Variants in C10orf90 observed in about 807,000 individuals in gnomAD.
C10orf90 encodes the protein chromosome 10 open reading frame 90.
In C10orf90, 56 loss-of-function variants were observed where a neutral mutation model predicts 62.5. The ratio of observed to expected loss-of-function variants is 0.90; its 90% CI spans 0.72 to 1.12. C10orf90 has a LOEUF of 1.12. Among genes scored for constraint, C10orf90 ranks in the 50% most tolerant of loss-of-function variants. C10orf90 has a pLI of 0.00. For missense variants in C10orf90, 970 were observed against 880.4 expected, an observed-to-expected ratio of 1.10 and a Z score of -1.29; for synonymous variants, 386 against 340.4, an observed-to-expected ratio of 1.13 and a Z score of -1.47.
intron 2 of C10orf90, among the ~76,000 whole-genome samples, chr10:126,619,700 T>A (rs553442529): frequency 6.6e-6 from 1 of 152,316 alleles, no homozygotes; most frequent in Non-Finnish European, 1.5e-5. Context: ...AGCACAGTGG[T>A]GCAATCAAGG....
intron 2 of C10orf90, among the ~76,000 whole-genome samples, chr10:126,527,606 G>A (rs1863984757): frequency 6.6e-6 from 1 of 152,198 alleles, no homozygotes; most frequent in South Asian, 2.1e-4. Context: ...CACAGACATG[G>A]GTTTGCATCT....
At chr10:126,472,105 C>G (rs1232557148) in intron 4 of C10orf90, among the ~76,000 whole-genome samples, 1 of 152,144 alleles carries the variant, frequency 6.6e-6, no homozygotes, top group Non-Finnish European at 1.5e-5. Flanking sequence ...TCCTTTATCC[C>G]CAAAGCATGG....
chr10:126,543,122 A>G (rs796555613), intron 2 of C10orf90, among the ~76,000 whole-genome samples: 5 of 152,346 alleles, frequency 3.3e-5, no homozygotes, highest in African/African-American at 1.2e-4. Context: ...TCCGTACAGC[A>G]ATACAAATGT....
At chr10:126,652,664 G>A (rs1336673666) in intron 1 of C10orf90, among the ~76,000 whole-genome samples, 2 of 152,324 alleles carry the variant, frequency 1.3e-5, no homozygotes, top group East Asian at 1.9e-4. Flanking sequence ...CAGCAAGGAT[G>A]AAGCACTTGG....
At chr10:126,552,354 T>G (rs1864654721) in intron 2 of C10orf90, among the ~76,000 whole-genome samples, 1 of 152,240 alleles carries the variant, frequency 6.6e-6, no homozygotes, top group African/African-American at 2.4e-5. Context: ...AGCACTAAAC[T>G]GTAGCACAAA....
At chr10:126,634,089 A>G (rs35524679) in intron 2 of C10orf90, among the ~76,000 whole-genome samples, 7,812 of 152,278 alleles carry the variant, frequency 0.051, 282 homozygotes, top group Middle Eastern at 0.13. Context: ...TAAAAAATTA[A>G]AAATAAAACT....
chr10:126,484,665 T>A (rs1861334497), intron 4 of C10orf90, among the ~76,000 whole-genome samples: 1 of 152,104 alleles, frequency 6.6e-6, no homozygotes, highest in Non-Finnish European at 1.5e-5. Context: ...TAACATAGAA[T>A]CCAAAGCCTT....
At chr10:126,472,588 T>A (rs989182814) in intron 4 of C10orf90, among the ~76,000 whole-genome samples, 6 of 152,190 alleles carry the variant, frequency 3.9e-5, no homozygotes, top group Non-Finnish European at 8.8e-5. Flanking sequence ...CCTAGCAGTT[T>A]CAGCAGGCTT....
intron 4 of C10orf90, among the ~76,000 whole-genome samples, chr10:126,489,375 A>G (rs1268979013): frequency 1.3e-5 from 2 of 152,134 alleles, no homozygotes; most frequent in Non-Finnish European, 2.9e-5. Context: ...GATTAAAAAC[A>G]CCCCAAAAAA....
chr10:126,514,345 A>G (rs906778624), intron 2 of C10orf90, among the ~76,000 whole-genome samples: 5 of 152,214 alleles, frequency 3.3e-5, no homozygotes, highest in African/African-American at 1.2e-4. Flanking sequence ...TCAGCCTCTT[A>G]ATGCAACCAT....
At chr10:126,460,280 G>A (rs576378268) in intron 6 of C10orf90, among the ~76,000 whole-genome samples, 6 of 152,352 alleles carry the variant, frequency 3.9e-5, no homozygotes, top group African/African-American at 1.4e-4. Flanking sequence ...TGAGCTCCAG[G>A]AAGTCATGGG....
intron 2 of C10orf90, among the ~76,000 whole-genome samples, chr10:126,518,897 C>T (rs1373425868): frequency 3.3e-5 from 5 of 152,140 alleles, no homozygotes; most frequent in Admixed American, 2.6e-4. Context: ...CGGTTTTCTG[C>T]CTGGAGGGCG....
intron 2 of C10orf90, among the ~76,000 whole-genome samples, chr10:126,617,902 T>C (rs1212606170): frequency 1.3e-5 from 2 of 152,176 alleles, no homozygotes; most frequent in Admixed American, 1.3e-4. Flanking sequence ...AGTCACAAGA[T>C]CCATGAGCAA....
rs142447656 is a variant in C10orf90, at chr10:126,459,180, C to T, written c.2048G>A (p.Arg683His). The change falls in exon 7 of 10, where the codon CGC becomes CAC. Residue 683 changes from arginine to histidine, a missense_variant. Transcript: ENST00000488181. Reference protein sequence around the residue: ...LEVRKPQFISRSQERLKKLEH... With the variant: ...LEVRKPQFISHSQERLKKLEH... ...AAGCTTCTTCAGCCGTTCTTGTGAG[C>T]GAGAAATGAACTGAGGCTTACGAAC... 5.2e-4 allele frequency: 844 copies of T among 1,614,072 alleles called. No individual in the cohort carries two copies. The African/African-American group carries it at 6.0e-3, about 11-fold the overall frequency.
chr10:126,513,260 G>A (rs1863242577), intron 3 of C10orf90, among the ~76,000 whole-genome samples: 1 of 152,188 alleles, frequency 6.6e-6, no homozygotes, highest in Admixed American at 6.5e-5. Context: ...TTTGGGGCAA[G>A]TCACCTACTG....
At chr10:126,663,778 C>T (rs78498468) in intron 1 of C10orf90, among the ~76,000 whole-genome samples, 13,610 of 152,136 alleles carry the variant, frequency 0.089, 687 homozygotes, top group South Asian at 0.16. Context: ...TGCAAAAAAC[C>T]ACCAAGTACC....
intron 2 of C10orf90, among the ~76,000 whole-genome samples, chr10:126,617,678 G>A (rs1845568624): frequency 6.6e-6 from 1 of 152,204 alleles, no homozygotes; most frequent in Non-Finnish European, 1.5e-5. Flanking sequence ...CTTTGCTAGG[G>A]CAAGGAGCTC....
chr10:126,575,951 C>A (rs946194926), intron 2 of C10orf90, among the ~76,000 whole-genome samples: 13 of 152,036 alleles, frequency 8.6e-5, no homozygotes, highest in Non-Finnish European at 1.3e-4. Context: ...AAATGTAAGA[C>A]CCCAAACAAT....
chr10:126,565,143 TTAAA>T (rs1471331971), intron 2 of C10orf90, among the ~76,000 whole-genome samples: 13 of 12,186 alleles, frequency 1.1e-3, no homozygotes, highest in African/African-American at 5.8e-3. Flanking sequence ...AAATATAATA[TTAAA>T]TATGTAATAT....
Sources: gnomAD v4.1 joint callset for allele counts (sites outside exome capture counted in the v4.1 genomes callset) on GRCh38, gnomAD v4.1.1 for gene constraint, MANE v1.5 for transcripts, NCBI Gene and HGNC (gene_info 2026-07-23, HGNC 2026-07-21) for gene names.